The following GPR65 variants were observed in gnomAD, a reference collection of about 807,000 sequenced individuals.
GPR65 encodes the protein T-cell death-associated gene 8 protein.
A neutral mutation model predicts 0.7 loss-of-function variants in GPR65; 2 were observed. The observed-to-expected ratio is 2.83, with a 90% CI of 1.16 to 8.92. GPR65 has a LOEUF of 8.92. GPR65 is among the 30% of genes most tolerant of loss of function. The probability of loss-of-function intolerance (pLI) is 0.04; values close to 1 mark genes in which losing one functional copy is unlikely to be tolerated. For synonymous variants in GPR65, 128 were observed against 146.5 expected (o/e 0.87, Z 0.91); for missense variants, 379 against 399.4 (o/e 0.95, Z 0.43).
Position 88,010,671 on chromosome 14 carries a change from T to A in GPR65, c.-177T>A. ...CTGCTGATATCTGTGTAAAAATTGA[T>A]CTACATCCACCCTTTAAAAGCATTG... On this transcript the variant is annotated 5_prime_UTR_variant, in exon 2 of 2. Transcript: ENST00000267549. 2 of 564,210 alleles carry A rather than the reference T, an allele frequency of 3.5e-6. No homozygotes were observed. The highest frequency in any genetic ancestry group is 4.7e-5 in the South Asian group (2 of 42,206). 35.0% of individuals were successfully genotyped at this position (564,210 alleles called of 1,614,324 possible). A position where few individuals can be genotyped will look rare whatever the true frequency, so the allele number is the denominator to read the frequency against.
intron 1 of GPR65, among the ~76,000 whole-genome samples, chr14:88,006,666 G>A (rs1041107029): frequency 1.3e-5 from 2 of 152,036 alleles, no homozygotes; most frequent in Non-Finnish European, 2.9e-5. Flanking sequence ...ACGGACAAAG[G>A]AGGAAGAGGC....
chr14:88,011,650 C>A lies in GPR65; in HGVS notation c.803C>A (p.Thr268Asn). 2 of 1,613,870 alleles carry A rather than the reference C, an allele frequency of 1.2e-6. No individual in the cohort carries two copies. ...FEDHSNSGKR[T>N]YTMYRITVAL... ...GACCACAGCAATTCTGGGAAGCGAACTTACACAATGTATAGAATCACGGTT... is the reference window on the plus strand; with the variant it reads ...GACCACAGCAATTCTGGGAAGCGAAATTACACAATGTATAGAATCACGGTT... Residue 268 changes from threonine to asparagine, a missense_variant, in exon 2 of 2, where the codon ACT becomes AAT. By Grantham distance (65) the Thr-to-Asn change is moderately conservative (BLOSUM62 0). Transcript: ENST00000267549.
Position 88,011,372 on chromosome 14 carries a change from T to C in GPR65, c.525T>C (p.Pro175=), listed in dbSNP as rs1260063914. 6.2e-7 allele frequency: 1 copy of C among 1,614,090 alleles called. No individual in the cohort carries two copies. Among genetic ancestry groups the C allele is most frequent in the Admixed American group, 1.7e-5 (1 of 59,998 alleles). ...SNFTLCYDKY[P]LEKWQINLNL... is the part of the protein sequence containing the mutation. ...TTACTTTATGCTATGACAAATACCC[T>C]TTAGAGAAATGGCAAATCAACCTCA... Residue 175 remains proline, a synonymous_variant, in exon 2 of 2, where the codon CCT becomes CCC. Transcript: ENST00000267549.
intron 1 of GPR65, among the ~76,000 whole-genome samples, chr14:88,006,328 A>G (rs6574977): frequency 0.72 from 109,205 of 152,034 alleles, 39,494 homozygotes; most frequent in East Asian, 0.86. Flanking sequence ...CAATCTTAGA[A>G]ACTGGGTACT....
In GPR65 at chr14:88,014,548, T is replaced by C. The variant is rs1887736544; in HGVS notation, c.*2687T>C. 3 of 152,230 alleles carry C rather than the reference T, an allele frequency of 2.0e-5. No individual in the cohort carries two copies. The highest frequency in any genetic ancestry group is 2.9e-5 in the Non-Finnish European group (2 of 68,032). 9.4% of individuals were successfully genotyped at this position (152,230 alleles called of 1,614,324 possible). ...ACAATCATGTTCTAATTTACTAGCA[T>C]TTGCATATTTTAGAAATATAATGGC... On this transcript the variant is annotated 3_prime_UTR_variant, in exon 2 of 2. Transcript: ENST00000267549.
rs1184219323 is a variant in GPR65, at chr14:88,011,112, G to A, written c.265G>A (p.Gly89Arg). ...NWTFSPALCK[G>R]SAFLMYMNFY... ...GACTTTCTCTCCTGCCTTGTGCAAA[G>A]GGAGTGCTTTTCTCATGTACATGAA... is the stretch of plus-strand genomic sequence containing the variant. The change falls in exon 2 of 2, where the codon GGG becomes AGG. Residue 89 changes from glycine (G) to arginine (R), a missense_variant. Physicochemically the swap from Gly to Arg is moderately radical, Grantham distance 125 (BLOSUM62 -2). Transcript: ENST00000267549. The A allele has an allele frequency of 6.2e-7, 1 of 1,614,054 alleles. No individual in the cohort carries two copies. Among genetic ancestry groups the A allele is most frequent in the East Asian group, 2.2e-5 (1 of 44,886 alleles).
intron 1 of GPR65, among the ~76,000 whole-genome samples, chr14:88,007,238 T>G (rs1887607110): frequency 1.3e-5 from 2 of 152,142 alleles, no homozygotes; most frequent in African/African-American, 2.4e-5. Context: ...ATCTGCAGAT[T>G]TCATGAGGAT....
intron 1 of GPR65, among the ~76,000 whole-genome samples, chr14:88,007,570 T>A (rs528874628): frequency 1.3e-5 from 2 of 151,070 alleles, no homozygotes; most frequent in South Asian, 4.1e-4. Flanking sequence ...TTTTAGAAAG[T>A]CTTTTTCAAT....
At chr14:88,006,749 T>TC (rs1004394821) in intron 1 of GPR65, among the ~76,000 whole-genome samples, 2 of 152,118 alleles carry the variant, frequency 1.3e-5, no homozygotes. Context: ...CAGGTGTTCT[T>TC]CCCAAGACAC....
chr14:88,007,954 C>G (rs948482700), intron 1 of GPR65, among the ~76,000 whole-genome samples: 4 of 151,608 alleles, frequency 2.6e-5, no homozygotes, highest in Admixed American at 1.3e-4. Context: ...ATATAGTTAA[C>G]CTTTATTTTT....
chr14:88,013,100 GT>G lies in GPR65; in HGVS notation c.*1240del, dbSNP rs960262227. On this transcript the variant is annotated 3_prime_UTR_variant, in exon 2 of 2. Coordinates refer to ENST00000267549, the MANE Select transcript of GPR65 (RefSeq NM_003608.4). ...CTTGCTCTGTAATCCAGGCTAGAGTGTAGTGGTGCGATCTCCACTCACTGCA... is the reference window on the plus strand; with the variant it reads ...CTTGCTCTGTAATCCAGGCTAGAGTGAGTGGTGCGATCTCCACTCACTGCA... The G allele has an allele frequency of 4.9e-5, 7 of 143,732 alleles. No homozygotes were observed. In the East Asian group the frequency reaches 1.5e-3, roughly 30 times the overall value. The allele number at this position is 143,732 out of a possible 1,614,324, so 8.9% of individuals were successfully genotyped here. A position where few individuals can be genotyped will look rare whatever the true frequency, so the allele number is the denominator to read the frequency against.
In GPR65 at chr14:88,012,700, T is replaced by G. The variant is rs1449091503; in HGVS notation, c.*839T>G. 6.6e-6 allele frequency: 1 copy of G among 152,242 alleles called. No individual in the cohort carries two copies. Among genetic ancestry groups the G allele is most frequent in the Non-Finnish European group, 1.5e-5 (1 of 68,040 alleles). The allele number at this position is 152,242 out of a possible 1,614,324, so 9.4% of individuals were successfully genotyped here. On this transcript the variant is annotated 3_prime_UTR_variant, in exon 2 of 2. Transcript: ENST00000267549. ...CTTTTTATGGCCTGATAGTATTCTG[T>G]TGCATGGTTATACTCCATTTTGTTT...
intron 1 of GPR65, among the ~76,000 whole-genome samples, chr14:88,007,768 T>C (rs1381222009): frequency 2.1e-5 from 3 of 144,894 alleles, no homozygotes; most frequent in African/African-American, 5.2e-5. Context: ...TGACACGTAG[T>C]TGCTTATTAT....
At chr14:88,008,236 G>A (rs368076856) in intron 1 of GPR65, among the ~76,000 whole-genome samples, 4 of 152,078 alleles carry the variant, frequency 2.6e-5, no homozygotes, top group African/African-American at 9.7e-5. Flanking sequence ...TCTACAAACT[G>A]AGCATGCTCA....
intron 1 of GPR65, among the ~76,000 whole-genome samples, chr14:88,010,136 T>C (rs1887651756): frequency 6.6e-6 from 1 of 152,230 alleles, no homozygotes; most frequent in African/African-American, 2.4e-5. Context: ...GTTATATCCA[T>C]TGAGAAATAT....
At position 88,010,986 on chromosome 14, in the gene GPR65, A is replaced by C; in HGVS notation, c.139A>C (p.Ser47Arg). The C allele has an allele frequency of 1.2e-6, 2 of 1,613,852 alleles. No individual in the cohort carries two copies. The highest frequency in any genetic ancestry group is 1.7e-6 in the Non-Finnish European group (2 of 1,179,730). ...GTCTTTCCTGCAAGCAAAGAAGGAA[A>C]GTGAACTAGGAATTTACCTCTTCAG... The part of the protein sequence containing the change: ...CVSFLQAKKE[S>R]ELGIYLFSLS... The change falls in exon 2 of 2, where the codon AGT becomes CGT. Residue 47 changes from serine to arginine, a missense_variant. Physicochemically the swap from Ser to Arg is moderately radical, Grantham distance 110 (BLOSUM62 -1). Coordinates refer to ENST00000267549, the MANE Select transcript of GPR65 (RefSeq NM_003608.4).
chr14:88,013,860 A>G lies in GPR65; in HGVS notation c.*1999A>G, dbSNP rs1887725812. ...GTTATGGTACCTCTTTTCTCTTCCA[A>G]AGATGCTGTTCTTACTGCATCACTT... On this transcript the variant is annotated 3_prime_UTR_variant, in exon 2 of 2. Transcript: ENST00000267549. 2.0e-5 allele frequency: 3 copies of G among 152,284 alleles called. No homozygotes were observed. The highest frequency in any genetic ancestry group is 2.1e-4 in the South Asian group (1 of 4,830). 9.4% of individuals were successfully genotyped at this position (152,284 alleles called of 1,614,324 possible). A position where few individuals can be genotyped will look rare whatever the true frequency, so the allele number is the denominator to read the frequency against.
In GPR65 at chr14:88,011,171, T is replaced by C; in HGVS notation, c.324T>C (p.Ile108=). ...FYSSTAFLTC[I]AVDRYLAVVY... ...GCAGCACAGCATTCCTCACCTGCAT[T>C]GCCGTTGATCGGTATTTGGCTGTTG... is the stretch of plus-strand genomic sequence containing the variant. Residue 108 remains isoleucine, a synonymous_variant, in exon 2 of 2, where the codon ATT becomes ATC. Coordinates refer to ENST00000267549, the MANE Select transcript of GPR65 (RefSeq NM_003608.4). The C allele has an allele frequency of 6.2e-7, 1 of 1,613,868 alleles. No individual in the cohort carries two copies. Among genetic ancestry groups the C allele is most frequent in the African/African-American group, 1.3e-5 (1 of 75,044 alleles).
rs1887718190 is a variant in GPR65, at chr14:88,013,364, TA to T, written c.*1504del. 1 of 152,220 alleles carries T rather than the reference TA, an allele frequency of 6.6e-6. No individual in the cohort carries two copies. The highest frequency in any genetic ancestry group is 2.1e-4 in the South Asian group (1 of 4,834). The allele number at this position is 152,220 out of a possible 1,614,324, so 9.4% of individuals were successfully genotyped here. A position where few individuals can be genotyped will look rare whatever the true frequency, so the allele number is the denominator to read the frequency against. ...CCATGCCTGGCAAAGAGAGTCTTGA[TA>T]CAACATATTCTTTTGAATCCTCATT... On this transcript the variant is annotated 3_prime_UTR_variant, in exon 2 of 2. Coordinates refer to ENST00000267549, the MANE Select transcript of GPR65 (RefSeq NM_003608.4).
Sources: gnomAD v4.1 joint callset for allele counts (sites outside exome capture counted in the v4.1 genomes callset) on GRCh38, gnomAD v4.1.1 for gene constraint, MANE v1.5 for transcripts, NCBI Gene and HGNC (gene_info 2026-07-23, HGNC 2026-07-21) for gene names.